MFHAS1: variants seen among roughly 807,000 people sequenced by gnomAD.
The protein encoded by MFHAS1 is malignant fibrous histiocytoma-amplified sequence 1.
MFHAS1 carries 50 observed loss-of-function variants against 70.4 expected under a neutral mutation model. The ratio of observed to expected loss-of-function variants is 0.71; its 90% CI spans 0.57 to 0.90. The LOEUF (loss-of-function observed/expected upper bound fraction) is 0.90, where lower values mean the gene tolerates loss of function less well. Among genes scored for constraint, MFHAS1 ranks in the 40% least tolerant of loss-of-function variants. The pLI is 0.00. For missense variants in MFHAS1, 1,795 were observed against 1,347.6 expected (o/e 1.33, Z -5.20); for synonymous variants, 952 against 620.0 (o/e 1.54, Z -7.96).
At chr8:8,873,591 T>A (rs572466501) in intron 1 of MFHAS1, among the ~76,000 whole-genome samples, 2 of 152,068 alleles carry the variant, frequency 1.3e-5, no homozygotes, top group Non-Finnish European at 2.9e-5. Context: ...AAATTTTAAA[T>A]TCCCACTTGG....
intron 1 of MFHAS1, among the ~76,000 whole-genome samples, chr8:8,864,541 A>G (rs1808787636): frequency 6.6e-6 from 1 of 152,240 alleles, no homozygotes; most frequent in Non-Finnish European, 1.5e-5. Context: ...CAATCTACAA[A>G]TAACTGTTTC....
chr8:8,842,537 C>A (rs1807871937), intron 1 of MFHAS1, among the ~76,000 whole-genome samples: 1 of 152,114 alleles, frequency 6.6e-6, no homozygotes, highest in Non-Finnish European at 1.5e-5. Context: ...CAGTAACTCA[C>A]AACATCAAAG....
chr8:8,802,541 C>A (rs1433249216), intron 1 of MFHAS1, among the ~76,000 whole-genome samples: 3 of 152,176 alleles, frequency 2.0e-5, no homozygotes, highest in Non-Finnish European at 4.4e-5. Flanking sequence ...TCTGCTGGTG[C>A]CTTGATCTTG....
chr8:8,885,838 G>C (rs435393), intron 1 of MFHAS1, among the ~76,000 whole-genome samples: 1 of 152,198 alleles, frequency 6.6e-6, no homozygotes, highest in Non-Finnish European at 1.5e-5. Context: ...TTCTTCCCAG[G>C]AGCTGGGATT....
At chr8:8,831,817 A>G (rs1302752087) in intron 1 of MFHAS1, among the ~76,000 whole-genome samples, 1 of 152,092 alleles carries the variant, frequency 6.6e-6, no homozygotes, top group Non-Finnish European at 1.5e-5. Context: ...CATGTTAGCC[A>G]TGCTAGTCTC....
At chr8:8,833,092 G>A (rs1263962694) in intron 1 of MFHAS1, among the ~76,000 whole-genome samples, 1 of 152,118 alleles carries the variant, frequency 6.6e-6, no homozygotes, top group Admixed American at 6.6e-5. Flanking sequence ...GAAAGAGAAG[G>A]GAAGGTGCCA....
At chr8:8,801,500 G>A (rs754720919) in intron 1 of MFHAS1, among the ~76,000 whole-genome samples, 1 of 152,066 alleles carries the variant, frequency 6.6e-6, no homozygotes, top group Non-Finnish European at 1.5e-5. Context: ...CCTACTACGC[G>A]GTGCCAGTAT....
At position 8,785,843 on chromosome 8, in the gene MFHAS1, C is replaced by G. The variant is rs1193550451; in HGVS notation, c.*179G>C. On this transcript the variant is annotated 3_prime_UTR_variant, in exon 3 of 3. Coordinates refer to ENST00000276282, the MANE Select transcript of MFHAS1 (RefSeq NM_004225.3). ...TGCTCCATGTTCTCGTCCATGCTTC[C>G]CCCCACCACCCCCTCCCCACCTCTT... The G allele has an allele frequency of 1.2e-5, 6 of 492,914 alleles. 1 individual carries two copies. The highest frequency in any genetic ancestry group is 2.3e-5 in the Non-Finnish European group (6 of 264,224). 30.5% of individuals were successfully genotyped at this position (492,914 alleles called of 1,614,324 possible).
intron 1 of MFHAS1, among the ~76,000 whole-genome samples, chr8:8,797,985 GC>G (rs1181958945): frequency 2.0e-5 from 3 of 152,196 alleles, no homozygotes; most frequent in African/African-American, 2.4e-5. Context: ...AACACAAACA[GC>G]CTAAGATCAG....
chr8:8,891,875 T>A lies in MFHAS1; in HGVS notation c.1184A>T (p.Tyr395Phe). The A allele has an allele frequency of 6.2e-7, 1 of 1,611,748 alleles. No individual in the cohort carries two copies. Residue 395 changes from tyrosine to phenylalanine, a missense_variant, in exon 1 of 3, where the codon TAC becomes TTC. Transcript: ENST00000276282. This position sits in a 1 kb window ranked among gnomAD's most constrained non-coding sequence, Gnocchi z 5.4. Reference protein sequence around the residue: ...CMKGIPYIAAYQKELAHSQPA... With the variant: ...CMKGIPYIAAFQKELAHSQPA... ...CTGGGAATGAGCCAGTTCCTTCTGG[T>A]AGGCTGCGATGTAGGGGATCCCCTT...
chr8:8,851,057 T>A (rs932201259), intron 1 of MFHAS1, among the ~76,000 whole-genome samples: 2 of 152,164 alleles, frequency 1.3e-5, no homozygotes, highest in African/African-American at 4.8e-5. Flanking sequence ...AAGTCTTACA[T>A]AGGGTCACGT....
intron 1 of MFHAS1, among the ~76,000 whole-genome samples, chr8:8,799,543 C>G (rs1806015868): frequency 6.6e-6 from 1 of 152,100 alleles, no homozygotes. Context: ...ATCGCTTGAG[C>G]CCAGGAGTTC....
intron 1 of MFHAS1, among the ~76,000 whole-genome samples, chr8:8,849,510 G>C (rs111339513): frequency 1.3e-5 from 2 of 152,164 alleles, no homozygotes; most frequent in Admixed American, 6.5e-5. Flanking sequence ...TGTGTATTCT[G>C]TGTCAGTAAG....
At chr8:8,795,488 T>C (rs1157451248) in intron 2 of MFHAS1, among the ~76,000 whole-genome samples, 1 of 152,242 alleles carries the variant, frequency 6.6e-6, no homozygotes, top group Non-Finnish European at 1.5e-5. Flanking sequence ...CAGTGATAAA[T>C]TAAACTATGC....
At chr8:8,854,553 T>C (rs1168945451) in intron 1 of MFHAS1, among the ~76,000 whole-genome samples, 6 of 149,126 alleles carry the variant, frequency 4.0e-5, no homozygotes, top group Non-Finnish European at 8.9e-5. Context: ...GGTGAGGTGG[T>C]GCATGCCTCT....
chr8:8,796,951 G>A (rs1333357625), intron 2 of MFHAS1, among the ~76,000 whole-genome samples: 11 of 151,794 alleles, frequency 7.2e-5, no homozygotes, highest in East Asian at 3.9e-4. Context: ...AGCCGAGATC[G>A]CACCACTGCA....
At chr8:8,871,283 C>T (rs1809066083) in intron 1 of MFHAS1, among the ~76,000 whole-genome samples, 1 of 152,182 alleles carries the variant, frequency 6.6e-6, no homozygotes, top group African/African-American at 2.4e-5. Flanking sequence ...GGCGTGATGG[C>T]TCACACCTGT....
chr8:8,804,039 C>T (rs1806188023), intron 1 of MFHAS1, among the ~76,000 whole-genome samples: 1 of 152,158 alleles, frequency 6.6e-6, no homozygotes, highest in African/African-American at 2.4e-5. Flanking sequence ...AAATACCATG[C>T]CACTGGATAT....
intron 1 of MFHAS1, among the ~76,000 whole-genome samples, chr8:8,853,873 T>C (rs1808335823): frequency 6.6e-6 from 1 of 152,184 alleles, no homozygotes; most frequent in South Asian, 2.1e-4. Flanking sequence ...ATTTCTATTG[T>C]CAAGGTTATC....
Sources: allele counts gnomAD v4.1 joint callset (sites outside exome capture counted in the v4.1 genomes callset), GRCh38; gene constraint gnomAD v4.1.1; non-coding constraint Gnocchi (gnomAD v3.1); transcripts MANE v1.5; gene names NCBI Gene and HGNC (gene_info 2026-07-23, HGNC 2026-07-21).